DTNB: variants seen among roughly 807,000 people sequenced by gnomAD.
DTNB encodes DTN-B.
DTNB carries 63 observed loss-of-function variants against 90.7 expected under a neutral mutation model. That is an observed-to-expected ratio of 0.69 (90% CI 0.57 to 0.86). The LOEUF is 0.86. Ranked by LOEUF, DTNB falls within the 40% of genes least tolerant of loss-of-function variation. DTNB has a pLI of 0.00. For synonymous variants in DTNB, 277 were observed against 286.7 expected (o/e 0.97, Z 0.34); for missense variants, 744 against 807.1 (o/e 0.92, Z 0.95).
intron 5 of DTNB, among the ~76,000 whole-genome samples, chr2:25,604,374 TC>T (rs199648934): frequency 6.3e-4 from 93 of 148,028 alleles, no homozygotes; most frequent in Middle Eastern, 3.4e-3. Context: ...TTCTTTCTTT[TC>T]TTTTTTTTCT....
At chr2:25,460,867 C>A (rs2060819886) in intron 10 of DTNB, among the ~76,000 whole-genome samples, 1 of 151,198 alleles carries the variant, frequency 6.6e-6, no homozygotes, top group Non-Finnish European at 1.5e-5. Context: ...ATAGAGGGTA[C>A]CTAGAAAGGG....
At chr2:25,433,136 G>T in intron 13 of DTNB, 137 bp from the exon 14 acceptor site, 2 of 775,930 alleles carry the variant, frequency 2.6e-6, no homozygotes, top group Non-Finnish European at 4.0e-6. Context: ...TGGCCAAGAG[G>T]TGAAATGGAC....
chr2:25,448,395 A>G (rs1159196653), intron 12 of DTNB, among the ~76,000 whole-genome samples: 1 of 152,266 alleles, frequency 6.6e-6, no homozygotes, highest in Non-Finnish European at 1.5e-5. Context: ...AAGAAAGTAA[A>G]GAATTGAAAA....
chr2:25,584,562 C>CT (rs60044530), intron 6 of DTNB, among the ~76,000 whole-genome samples: 2,303 of 145,906 alleles, frequency 0.016, 60 homozygotes, highest in African/African-American at 0.052. Flanking sequence ...CTCAATTTTA[C>CT]TTTTTTTTTT....
At chr2:25,494,280 T>G (rs78460989) in intron 9 of DTNB, among the ~76,000 whole-genome samples, 2 of 152,254 alleles carry the variant, frequency 1.3e-5, no homozygotes, top group South Asian at 2.1e-4. Context: ...TACTTGTATC[T>G]GCTTCTAAAG....
chr2:25,513,748 A>C (rs2074422827), intron 9 of DTNB, among the ~76,000 whole-genome samples: 1 of 149,288 alleles, frequency 6.7e-6, no homozygotes, highest in Non-Finnish European at 1.5e-5. Context: ...AAAACAAAAC[A>C]ACCAAAAAAA....
At chr2:25,612,884 A>G (rs767742203) in intron 4 of DTNB, among the ~76,000 whole-genome samples, 2 of 152,174 alleles carry the variant, frequency 1.3e-5, no homozygotes, top group Non-Finnish European at 2.9e-5. Flanking sequence ...GAAACAGATA[A>G]ACTGAATAGA....
chr2:25,610,848 T>C (rs1215400738), intron 4 of DTNB, among the ~76,000 whole-genome samples: 1 of 152,214 alleles, frequency 6.6e-6, no homozygotes, highest in Non-Finnish European at 1.5e-5. Context: ...TAGCTGGGAT[T>C]ACAGGTGCAC....
chr2:25,475,956 A>G (rs2150339454), intron 10 of DTNB, among the ~76,000 whole-genome samples: 1 of 152,310 alleles, frequency 6.6e-6, no homozygotes, highest in East Asian at 1.9e-4. Flanking sequence ...TCATTCATTG[A>G]CAATGCATGT....
chr2:25,478,637 C>T (rs533007827), intron 10 of DTNB, among the ~76,000 whole-genome samples: 221 of 152,070 alleles, frequency 1.5e-3, no homozygotes, highest in Non-Finnish European at 2.5e-3. Context: ...TGGGATCAAG[C>T]GATCCTCCTA....
intron 3 of DTNB, among the ~76,000 whole-genome samples, chr2:25,633,853 AC>A (rs1223703358): frequency 2.1e-3 from 240 of 112,080 alleles, no homozygotes; most frequent in Non-Finnish European, 3.5e-3. Flanking sequence ...GAGCGCCTCT[AC>A]CCGGCCGCGA....
intron 4 of DTNB, among the ~76,000 whole-genome samples, chr2:25,624,045 G>A (rs1246967654): frequency 1.3e-5 from 2 of 152,092 alleles, no homozygotes; most frequent in Non-Finnish European, 2.9e-5. Context: ...AACATCTACA[G>A]TCTATTCTCT....
chr2:25,593,955 C>A (rs1026833579), intron 6 of DTNB, among the ~76,000 whole-genome samples: 1 of 152,158 alleles, frequency 6.6e-6, no homozygotes, highest in Non-Finnish European at 1.5e-5. Context: ...CTCCAGGAAG[C>A]ATCTTGTGTG....
chr2:25,480,207 G>A (rs1410103987), intron 10 of DTNB, among the ~76,000 whole-genome samples: 1 of 152,150 alleles, frequency 6.6e-6, no homozygotes, highest in Non-Finnish European at 1.5e-5. Context: ...GGAGCATTTT[G>A]TTCCTATGGA....
intron 6 of DTNB, among the ~76,000 whole-genome samples, chr2:25,586,510 CAA>C (rs1299315782): frequency 8.6e-4 from 46 of 53,764 alleles, no homozygotes; most frequent in Admixed American, 7.6e-4. Flanking sequence ...ACTCTGTCTC[CAA>C]AAAAAAAAAA....
At chr2:25,592,996 A>G (rs1385025306) in intron 6 of DTNB, among the ~76,000 whole-genome samples, 1 of 152,176 alleles carries the variant, frequency 6.6e-6, no homozygotes, top group Admixed American at 6.5e-5. Flanking sequence ...TAGATATCGG[A>G]TCCAGGGGAA....
At chr2:25,560,055 C>G (rs2058020991) in intron 8 of DTNB, among the ~76,000 whole-genome samples, 1 of 152,226 alleles carries the variant, frequency 6.6e-6, no homozygotes, top group Admixed American at 6.5e-5. Flanking sequence ...TCAAGACCAG[C>G]CTGGCCAACA....
rs570719213 is a variant in DTNB, at chr2:25,550,909, C to A, written c.877-19312G>T. Among the ~76,000 whole-genome samples the A allele has an allele frequency of 2.2e-4, 33 of 152,334 alleles. No homozygotes were observed. In the East Asian group the frequency reaches 5.2e-3, roughly 24 times the overall value. ...AAGCAATCTGCCCACCTCGGCCTCC[C>A]AAAGTGCTGGGATTATAGGCGTGAG... On this transcript the variant is annotated intron_variant, in intron 8 of 20. Transcript: ENST00000406818.
intron 9 of DTNB, among the ~76,000 whole-genome samples, chr2:25,484,328 T>C (rs1316028644): frequency 1.3e-5 from 2 of 152,256 alleles, no homozygotes; most frequent in African/African-American, 4.8e-5. Flanking sequence ...GGGAACTAAC[T>C]ACCTTCTGGT....
Sources: allele counts gnomAD v4.1 joint callset (sites outside exome capture counted in the v4.1 genomes callset), GRCh38; gene constraint gnomAD v4.1.1; transcripts MANE v1.5; gene names NCBI Gene and HGNC (gene_info 2026-07-23, HGNC 2026-07-21).